Variants in MUC4 observed in about 807,000 individuals in gnomAD.
MUC4 encodes mucin 4, cell surface associated.
Under a neutral mutation model 257.9 loss-of-function variants are expected in MUC4, and 202 were observed. The ratio of observed to expected loss-of-function variants is 0.78; its 90% confidence interval spans 0.70 to 0.88. The LOEUF (loss-of-function observed/expected upper bound fraction) is 0.88. Ranked by LOEUF, MUC4 falls within the 40% of genes least tolerant of loss-of-function variation. The pLI is 0.00. For synonymous variants in MUC4, 2,351 were observed against 2,757.1 expected, an observed-to-expected ratio of 0.85 and a Z score of 4.62; for missense variants, 5,976 against 6,513.7, an observed-to-expected ratio of 0.92 and a Z score of 2.84.
intron 23 of MUC4, chr3:195,750,676 T>A: frequency 5.1e-6 from 3 of 589,392 alleles, no homozygotes; most frequent in Non-Finnish European, 9.0e-6. Context: ...GGCTGGGTGC[T>A]TGCTCCGTGA....
rs1001431203 is a variant in MUC4, at chr3:195,810,874, A to C, written c.82+862T>G. On this transcript the variant is annotated intron_variant, in intron 1 of 24. Coordinates refer to ENST00000463781, the MANE Select transcript of MUC4 (RefSeq NM_018406.7). This position sits in a 1 kb window ranked among gnomAD's most constrained non-coding sequence, Gnocchi z 4.2. ...ACCCAGCTTTCCTGGCATCCCCTCT[A>C]CCCCCAGCTCTGTACACAAGGGTGT... Among the ~76,000 whole-genome samples, 1 of 148,178 alleles carries C rather than the reference A, an allele frequency of 6.7e-6. No individual in the cohort carries two copies. Among genetic ancestry groups the C allele is most frequent in the African/African-American group, 2.5e-5 (1 of 39,678 alleles).
At chr3:195,767,537 C>T (rs1465550208) in intron 7 of MUC4, among the ~76,000 whole-genome samples, 2 of 129,150 alleles carry the variant, frequency 1.5e-5, no homozygotes, top group Admixed American at 7.2e-5. Context: ...ATCGCCACCA[C>T]CATCATCACC....
At position 195,787,996 on chromosome 3, in the gene MUC4, G is replaced by C; in HGVS notation, c.3584C>G (p.Thr1195Arg). Residue 1195 changes from threonine to arginine, a missense_variant, in exon 2 of 25, where the codon ACA becomes AGA. This residue lies in a region of MUC4 where 90 missense variants were observed against 106.2 expected (regional missense o/e 0.85). Coordinates refer to ENST00000463781, the MANE Select transcript of MUC4 (RefSeq NM_018406.7). ...LPVTSPSSAS[T>R]GHATPLLVTD... The stretch of plus-strand genomic sequence containing the variant: ...GACAAGAAGAGGGGTGGCGTGACCT[G>C]TGGATGCTGAGGAAGGGCTAGTGAC... The C allele has an allele frequency of 1.5e-6, 2 of 1,377,222 alleles. No individual in the cohort carries two copies. The highest frequency in any genetic ancestry group is 9.7e-7 in the Non-Finnish European group (1 of 1,033,720). 85.3% of individuals were successfully genotyped at this position (1,377,222 alleles called of 1,614,324 possible).
intron 19 of MUC4, chr3:195,753,954 C>T (rs761912733): frequency 3.1e-4 from 135 of 437,068 alleles, no homozygotes; most frequent in Admixed American, 1.7e-3. Flanking sequence ...TGCCCAGCCC[C>T]GTCCCCTCCC....
At chr3:195,750,434 C>A in intron 23 of MUC4, 1 of 201,336 alleles carries the variant, frequency 5.0e-6, no homozygotes, top group Non-Finnish European at 9.8e-6. Context: ...GTGTTGAGGC[C>A]TGGCCTGGCC....
chr3:195,767,562 T>TCATCACCATCACCATCACC (rs1721109851), intron 7 of MUC4, among the ~76,000 whole-genome samples: 1 of 16,756 alleles, frequency 6.0e-5, no homozygotes, highest in Non-Finnish European at 1.0e-4. Context: ...CCATTACCAT[T>TCATCACCATCACCATCACC]GCCACCACCA....
At position 195,755,362 on chromosome 3, in the gene MUC4, A is replaced by C. The variant is rs145439595; in HGVS notation, c.15169-990T>G. Among the ~76,000 whole-genome samples the C allele has an allele frequency of 9.2e-5, 14 of 151,886 alleles. No individual in the cohort carries two copies. The East Asian group carries it at 2.7e-3, about 30-fold the overall frequency. ...AGGCATATGCCACCACGCCCAGCTA[A>C]TTTTTTGATTTTTAGTAGAGACAGG... On this transcript the variant is annotated intron_variant, in intron 18 of 24. Coordinates refer to ENST00000463781, the MANE Select transcript of MUC4 (RefSeq NM_018406.7). The surrounding 1 kb of genome is among the most constrained non-coding windows in gnomAD (Gnocchi z 5.0).
At chr3:195,752,987 CG>C in intron 20 of MUC4, 63 bp downstream of exon 20, 2 of 1,382,244 alleles carry the variant, frequency 1.4e-6, no homozygotes, top group East Asian at 4.7e-5. Flanking sequence ...GGGCGGAGTG[CG>C]GGGGTGAGAG....
chr3:195,758,679 C>T (rs1301260247), intron 17 of MUC4, among the ~76,000 whole-genome samples: 1 of 150,658 alleles, frequency 6.6e-6, no homozygotes, highest in Admixed American at 6.6e-5. Context: ...TCTCCTGCCT[C>T]AGTCTCCTGA....
chr3:195,773,960 G>A (rs1723763399), intron 4 of MUC4, among the ~76,000 whole-genome samples: 1 of 152,242 alleles, frequency 6.6e-6, no homozygotes, highest in African/African-American at 2.4e-5. Context: ...AGAAGGCCCC[G>A]CAGAAGCAGC....
rs375299840 is a variant in MUC4, at chr3:195,782,243, C to A, written c.9337G>T (p.Ala3113Ser). 106 of 1,522,332 alleles carry A rather than the reference C, an allele frequency of 7.0e-5. No homozygotes were observed. Among genetic ancestry groups the A allele is most frequent in the East Asian group, 4.8e-4 (19 of 39,736 alleles). 94.3% of individuals were successfully genotyped at this position (1,522,332 alleles called of 1,614,324 possible). A position where few individuals can be genotyped will look rare whatever the true frequency, so the allele number is the denominator to read the frequency against. The part of the protein sequence containing the change: ...TPLPVTSPSS[A>S]STGHTTPLPV... ...AGAGGGGTGGTGTGACCTGTGGATGCTGAGGAAGGGCTAGTGACAGGAAGA... is the reference window on the plus strand; with the variant it reads ...AGAGGGGTGGTGTGACCTGTGGATGATGAGGAAGGGCTAGTGACAGGAAGA... Residue 3113 changes from alanine (A) to serine (S), a missense_variant, in exon 2 of 25, where the codon GCA becomes TCA. By Grantham distance (99) the Ala-to-Ser change is moderately conservative. Coordinates refer to ENST00000463781, the MANE Select transcript of MUC4 (RefSeq NM_018406.7).
intron 23 of MUC4, among the ~76,000 whole-genome samples, chr3:195,749,400 G>A (rs1715898644): frequency 6.6e-6 from 1 of 152,216 alleles, no homozygotes; most frequent in Non-Finnish European, 1.5e-5. Context: ...TTTGAAGGTG[G>A]CCAGACTTGG....
rs747064891 is a variant in MUC4, at chr3:195,748,965, C to T, written c.15971G>A (p.Cys5324Tyr). The T allele has an allele frequency of 4.4e-6, 7 of 1,608,432 alleles. No individual in the cohort carries two copies. The African/African-American group carries it at 6.7e-5, about 15-fold the overall frequency. Residue 5324 changes from cysteine to tyrosine, a missense_variant, in exon 24 of 25, where the codon TGC becomes TAC. By Grantham distance (194) the Cys-to-Tyr change is radical. This residue lies in a region of MUC4 where 310 missense variants were observed against 242.1 expected (regional missense o/e 1.28). Coordinates refer to ENST00000463781, the MANE Select transcript of MUC4 (RefSeq NM_018406.7). The part of the protein sequence containing the change: ...PQSGFTCVSP[C>Y]SRGYCDHGGQ... ...TCCATGGTCACAGTAGCCCCTACTG[C>T]ACGGGGACACGCAGGTGAAGCCGCT...
At chr3:195,748,008 C>T (rs1473731507) in intron 24 of MUC4, among the ~76,000 whole-genome samples, 3 of 149,774 alleles carry the variant, frequency 2.0e-5, no homozygotes, top group Non-Finnish European at 4.5e-5. Context: ...CCCGGAGAGC[C>T]GGGCCCCGCC....
intron 2 of MUC4, 97 bp from the exon 3 acceptor site, chr3:195,778,552 G>A (rs1283227000): frequency 2.0e-6 from 3 of 1,500,214 alleles, no homozygotes; most frequent in Middle Eastern, 1.9e-4. Flanking sequence ...AGAGGGAGCT[G>A]GAAACTCCTT....
chr3:195,800,066 T>A (rs761290525), intron 1 of MUC4, among the ~76,000 whole-genome samples: 4 of 151,982 alleles, frequency 2.6e-5, no homozygotes, highest in Non-Finnish European at 5.9e-5. Context: ...TCATTTGAGG[T>A]CAGGAGTTCA....
At chr3:195,767,937 C>CCA (rs1721938003) in intron 7 of MUC4, among the ~76,000 whole-genome samples, 1 of 108,826 alleles carries the variant, frequency 9.2e-6, no homozygotes, top group Admixed American at 8.9e-5. Context: ...TCCACCGCCA[C>CCA]TACCACCACC....
At chr3:195,767,023 G>A (rs1720659044) in intron 7 of MUC4, among the ~76,000 whole-genome samples, 1 of 152,130 alleles carries the variant, frequency 6.6e-6, no homozygotes. Flanking sequence ...ATGAGACAGG[G>A]GCGTGAAAAC....
chr3:195,801,497 G>C (rs1375163703), intron 1 of MUC4, among the ~76,000 whole-genome samples: 2 of 151,946 alleles, frequency 1.3e-5, no homozygotes, highest in African/African-American at 4.8e-5. Context: ...TGTCTCCGAC[G>C]TTCTTTCTGC....
Sources: gnomAD v4.1 joint callset for allele counts (sites outside exome capture counted in the v4.1 genomes callset) on GRCh38, gnomAD v4.1.1 for gene constraint, gnomAD v4.1.1 regional missense constraint, Gnocchi (gnomAD v3.1) non-coding constraint, MANE v1.5 for transcripts, NCBI Gene and HGNC (gene_info 2026-07-23, HGNC 2026-07-21) for gene names.